THSD4: variants seen among roughly 807,000 people sequenced by gnomAD.
THSD4 encodes the protein thrombospondin type 1 domain containing 4.
THSD4 carries 69 observed loss-of-function variants against 119.0 expected under a neutral mutation model. The ratio of observed to expected loss-of-function variants is 0.58; its 90% CI spans 0.48 to 0.71. The LOEUF (loss-of-function observed/expected upper bound fraction) is 0.71. Among genes scored for constraint, THSD4 ranks in the 30% least tolerant of loss-of-function variants. THSD4 has a pLI of 0.00. For missense variants in THSD4, 1,393 were observed against 1,391.1 expected (o/e 1.00, Z -0.02); for synonymous variants, 524 against 540.4 (o/e 0.97, Z 0.42).
intron 7 of THSD4, among the ~76,000 whole-genome samples, chr15:71,588,223 G>A (rs1015113515): frequency 2.0e-5 from 3 of 150,288 alleles, no homozygotes; most frequent in South Asian, 2.1e-4. Flanking sequence ...GGAGAATGGC[G>A]TGAACCCGGG....
At chr15:71,596,930 A>C (rs2049916985) in intron 7 of THSD4, among the ~76,000 whole-genome samples, 1 of 152,206 alleles carries the variant, frequency 6.6e-6, no homozygotes, top group Non-Finnish European at 1.5e-5. Flanking sequence ...GGGAAGAAGG[A>C]AAGCAGCCAA....
chr15:71,346,515 A>G (rs2045662096), intron 6 of THSD4, among the ~76,000 whole-genome samples: 1 of 152,110 alleles, frequency 6.6e-6, no homozygotes, highest in African/African-American at 2.4e-5. Flanking sequence ...GTCTTTTTTG[A>G]CACATCTCCA....
At chr15:71,437,817 C>T (rs971448578) in intron 7 of THSD4, among the ~76,000 whole-genome samples, 1 of 152,228 alleles carries the variant, frequency 6.6e-6, no homozygotes, top group African/African-American at 2.4e-5. Context: ...AAACAACTAA[C>T]ACATCCATCA....
chr15:71,585,168 A>G (rs1228352938), intron 7 of THSD4, among the ~76,000 whole-genome samples: 1 of 152,174 alleles, frequency 6.6e-6, no homozygotes, highest in Non-Finnish European at 1.5e-5. Context: ...TATTCTTACC[A>G]TTGTTAGTGA....
intron 9 of THSD4, 95 bp from the exon 10 acceptor site, chr15:71,731,026 C>A: frequency 1.7e-6 from 2 of 1,162,816 alleles, no homozygotes; most frequent in Non-Finnish European, 2.6e-6. Flanking sequence ...GTGAACCAAC[C>A]CAGTCATTTC....
chr15:71,154,564 C>T (rs761098671), intron 2 of THSD4, among the ~76,000 whole-genome samples: 4 of 152,230 alleles, frequency 2.6e-5, no homozygotes, highest in East Asian at 3.9e-4. Context: ...TTGTCATCCC[C>T]GTTTTTCAGG....
At chr15:71,438,140 C>T (rs2047040717) in intron 7 of THSD4, among the ~76,000 whole-genome samples, 1 of 152,170 alleles carries the variant, frequency 6.6e-6, no homozygotes, top group South Asian at 2.1e-4. Context: ...TCGCCCTCGC[C>T]CTCACCCTCG....
intron 3 of THSD4, among the ~76,000 whole-genome samples, chr15:71,160,673 T>A (rs907921426): frequency 4.6e-5 from 7 of 152,024 alleles, no homozygotes; most frequent in African/African-American, 1.7e-4. Context: ...CTGATTTTAT[T>A]TATTTGAGTC....
chr15:71,373,607 G>A (rs942928116), intron 6 of THSD4, among the ~76,000 whole-genome samples: 3 of 152,168 alleles, frequency 2.0e-5, no homozygotes, highest in African/African-American at 7.2e-5. Context: ...CTTTCCTTCA[G>A]CTTCTAAAAG....
intron 7 of THSD4, among the ~76,000 whole-genome samples, chr15:71,542,528 A>G (rs2048772690): frequency 6.6e-6 from 1 of 152,196 alleles, no homozygotes; most frequent in South Asian, 2.1e-4. Context: ...TTGCTTCTAT[A>G]GTATTCTTCG....
intron 3 of THSD4, among the ~76,000 whole-genome samples, chr15:71,203,922 G>A (rs2043822974): frequency 6.6e-6 from 1 of 152,192 alleles, no homozygotes; most frequent in Admixed American, 6.5e-5. Flanking sequence ...GATGCAGACA[G>A]CCAAGTGACC....
chr15:71,272,900 T>G (rs1019032388), intron 6 of THSD4, among the ~76,000 whole-genome samples: 1 of 151,968 alleles, frequency 6.6e-6, no homozygotes, highest in Non-Finnish European at 1.5e-5. Context: ...ATGGTAAGTG[T>G]TGGCCAGGAT....
At chr15:71,200,852 C>A (rs184807961) in intron 3 of THSD4, among the ~76,000 whole-genome samples, 67 of 152,270 alleles carry the variant, frequency 4.4e-4, no homozygotes, top group African/African-American at 1.6e-3. Flanking sequence ...GTGTGAGATG[C>A]CATATTGGTG....
intron 2 of THSD4, among the ~76,000 whole-genome samples, chr15:71,151,975 T>TC: frequency 6.6e-6 from 1 of 152,314 alleles, no homozygotes; most frequent in Non-Finnish European, 1.5e-5. Context: ...AGAGAATGTT[T>TC]CCGTCATCAT....
At chr15:71,559,154 G>T (rs1277680534) in intron 7 of THSD4, among the ~76,000 whole-genome samples, 2 of 152,172 alleles carry the variant, frequency 1.3e-5, no homozygotes, top group African/African-American at 4.8e-5. Flanking sequence ...AGTATTCGAA[G>T]AAGACATGTT....
rs149149561 is a variant in THSD4, at chr15:71,356,980, G to A, written c.1016-54707G>A. On this transcript the variant is annotated intron_variant, in intron 6 of 17. Coordinates refer to ENST00000261862, the MANE Select transcript of THSD4 (RefSeq NM_024817.3). ...GAGACCATGGCTGCGCACATCAAAC[G>A]TGTGAGAGATGACATTGGCCTTGTG... is the stretch of plus-strand genomic sequence containing the variant. Among the ~76,000 whole-genome samples the A allele has an allele frequency of 3.2e-3, 487 of 152,292 alleles. 10 individuals are homozygous for A. Among genetic ancestry groups the A allele is most frequent in the Admixed American group, 0.022 (334 of 15,294 alleles).
chr15:71,446,622 A>G (rs1436825695), intron 7 of THSD4, among the ~76,000 whole-genome samples: 1 of 152,208 alleles, frequency 6.6e-6, no homozygotes, highest in African/African-American at 2.4e-5. Context: ...AAAGGCTTAA[A>G]CACTAAGAGT....
chr15:71,706,492 G>T (rs574005056), intron 8 of THSD4, among the ~76,000 whole-genome samples: 1 of 152,130 alleles, frequency 6.6e-6, no homozygotes, highest in Non-Finnish European at 1.5e-5. Context: ...GTGGATAGTT[G>T]GGATTGTCCA....
chr15:71,676,956 G>C (rs1403341783), intron 8 of THSD4, among the ~76,000 whole-genome samples: 2 of 152,050 alleles, frequency 1.3e-5, no homozygotes, highest in Non-Finnish European at 2.9e-5. Flanking sequence ...AATTCTTTTG[G>C]GTATATACCT....
Sources: gnomAD v4.1 joint callset for allele counts (sites outside exome capture counted in the v4.1 genomes callset) on GRCh38, gnomAD v4.1.1 for gene constraint, MANE v1.5 for transcripts, NCBI Gene and HGNC (gene_info 2026-07-23, HGNC 2026-07-21) for gene names.